PLCB2: variants seen among roughly 807,000 people sequenced by gnomAD.
PLCB2 encodes 1-phosphatidylinositol 4,5-bisphosphate phosphodiesterase beta-2.
A neutral mutation model predicts 141.7 loss-of-function variants in PLCB2; 115 were observed. That is an observed-to-expected ratio of 0.81 (90% confidence interval 0.70 to 0.95). The LOEUF (loss-of-function observed/expected upper bound fraction) is 0.95. PLCB2 is among the 40% of genes least tolerant of loss of function. The probability of loss-of-function intolerance (pLI) is 0.00; values close to 1 mark genes in which losing one functional copy is unlikely to be tolerated. For synonymous variants in PLCB2, 603 were observed against 595.6 expected, an observed-to-expected ratio of 1.01 and a Z score of -0.18; for missense variants, 1,403 against 1,541.1, an observed-to-expected ratio of 0.91 and a Z score of 1.50.
Position 40,297,090 on chromosome 15 carries a change from T to TCCC in PLCB2, c.1324-183_1324-182insGGG, listed in dbSNP as rs374429297. The stretch of plus-strand genomic sequence containing the variant: ...TATCCCTTGGAGTAAATGCGGCTCA[T>TCCC]CTTGTGCTTGTTGTAGCTGTCCCTG... On this transcript the variant is annotated intron_variant, in intron 13 of 31. Transcript: ENST00000260402. This position sits in a 1 kb window ranked among gnomAD's most constrained non-coding sequence, Gnocchi z 4.2. Among the ~76,000 whole-genome samples, 4 of 152,234 alleles carry TCCC rather than the reference T, an allele frequency of 2.6e-5. No homozygotes were observed. The East Asian group carries it at 7.7e-4, about 29-fold the overall frequency.
chr15:40,289,232 C>T, intron 31 of PLCB2, 40 bp downstream of exon 31: 2 of 1,535,622 alleles, frequency 1.3e-6, no homozygotes, highest in Non-Finnish European at 1.8e-6. Context: ...ACCCGGAACC[C>T]ATTCAGTTCT....
At chr15:40,289,958 AGAGAGAGAGAGTGTGTGT>A (rs1400034204) in intron 30 of PLCB2, 49 bp downstream of exon 30, 2 of 667,922 alleles carry the variant, frequency 3.0e-6, no homozygotes, top group Non-Finnish European at 5.2e-6. Context: ...AGAGAGAGAG[AGAGAGAGAGAGTGTGTGT>A]GTGTGTGTGT....
At position 40,288,681 on chromosome 15, in the gene PLCB2, C is replaced by A. The variant is rs1319287808; in HGVS notation, c.*34G>T. The A allele has an allele frequency of 3.3e-6, 5 of 1,536,818 alleles. No individual in the cohort carries two copies. Among genetic ancestry groups the A allele is most frequent in the Middle Eastern group, 1.8e-4 (1 of 5,694 alleles). On this transcript the variant is annotated 3_prime_UTR_variant, in exon 32 of 32. Transcript: ENST00000260402. ...ACCACATCCCAGAGAAGGGGCTGAACCTCCTTGCTAAATGTCCCAGTGGGA... is the reference window on the plus strand; with the variant it reads ...ACCACATCCCAGAGAAGGGGCTGAAACTCCTTGCTAAATGTCCCAGTGGGA...
chr15:40,304,675 A>G (rs2040705283), intron 1 of PLCB2, among the ~76,000 whole-genome samples: 1 of 151,972 alleles, frequency 6.6e-6, no homozygotes, highest in Non-Finnish European at 1.5e-5. Context: ...CTACAAGCCC[A>G]CCTAGGAAAT....
At chr15:40,285,614 A>C (rs2039599904), downstream of PLCB2, 1 of 985,284 alleles carries the variant, frequency 1.0e-6, no homozygotes, top group South Asian at 4.7e-5. Context: ...CTCCACCCCC[A>C]GTAACTGGGC....
In PLCB2 at chr15:40,296,728, T is replaced by C. The variant is rs752069029; in HGVS notation, c.1486+18A>G. Reference sequence around the variant, plus strand: ...CAGATGCTCCTAATACCCCCCACCATAGTCCTCCCCGACTCACCTGTGCCC... The same window carrying C: ...CAGATGCTCCTAATACCCCCCACCACAGTCCTCCCCGACTCACCTGTGCCC... On this transcript the variant is annotated intron_variant, in intron 14 of 31. Coordinates refer to ENST00000260402, the MANE Select transcript of PLCB2 (RefSeq NM_004573.3). The C allele has an allele frequency of 2.7e-5, 43 of 1,610,668 alleles. No individual in the cohort carries two copies. The highest frequency in any genetic ancestry group is 1.7e-4 in the Middle Eastern group (1 of 6,060).
rs2141063302 is a variant in PLCB2 at position 40,292,521 on chromosome 15, G to A, written c.2327-78C>T. 3 of 990,630 alleles carry A rather than the reference G, an allele frequency of 3.0e-6. No homozygotes were observed. In the East Asian group the frequency reaches 7.6e-5, roughly 25 times the overall value. 61.4% of individuals were successfully genotyped at this position (990,630 alleles called of 1,614,324 possible). On this transcript the variant is annotated intron_variant, in intron 21 of 31. Transcript: ENST00000260402. ...TGTGCACACACAGCCTAGGACCCAA[G>A]GGTCTGAGTCTGGCACTGCACCATC...
chr15:40,290,750 G>A lies in PLCB2; in HGVS notation c.3113+11C>T. On this transcript the variant is annotated intron_variant, in intron 28 of 31. Coordinates refer to ENST00000260402, the MANE Select transcript of PLCB2 (RefSeq NM_004573.3). ...GGAGGCGAAGCAGGTGTGGGAGGGA[G>A]GCAGTCGTACTTCTCCGACGTCTCC... The A allele has an allele frequency of 6.2e-7, 1 of 1,613,368 alleles. No individual in the cohort carries two copies. Among genetic ancestry groups the A allele is most frequent in the Non-Finnish European group, 8.5e-7 (1 of 1,179,452 alleles).
Position 40,291,321 on chromosome 15 carries a change from G to A in PLCB2, c.2814C>T (p.Gly938=). The change falls in exon 26 of 32, where the codon GGC becomes GGT. Residue 938 remains glycine (G), a synonymous_variant. Coordinates refer to ENST00000260402, the MANE Select transcript of PLCB2 (RefSeq NM_004573.3). ...AAQLAELGPP[G]VGGVGACKLG... ...GCTTGCAGGCCCCGACGCCCCCCAC[G>A]CCCGGTGGCCCGAGCTCCGCCAGCT... 2.0e-6 allele frequency: 3 copies of A among 1,536,628 alleles called. No individual in the cohort carries two copies. The highest frequency in any genetic ancestry group is 2.6e-6 in the Non-Finnish European group (3 of 1,149,424).
At chr15:40,294,096 T>G (rs1303699219) in intron 19 of PLCB2, among the ~76,000 whole-genome samples, 170 bp downstream of exon 19, 1 of 152,056 alleles carries the variant, frequency 6.6e-6, no homozygotes, top group Non-Finnish European at 1.5e-5. Flanking sequence ...CAGCCTCCAG[T>G]GCTGAGGAGG....
intron 1 of PLCB2, 105 bp downstream of exon 1, chr15:40,307,484 G>C (rs2040856316): frequency 1.6e-6 from 1 of 642,062 alleles, no homozygotes; most frequent in Non-Finnish European, 2.6e-6. Context: ...ACAGGCGCCT[G>C]GATCCTAGGA....
At chr15:40,307,139 G>C (rs1033174863) in intron 1 of PLCB2, among the ~76,000 whole-genome samples, 9 of 152,202 alleles carry the variant, frequency 5.9e-5, no homozygotes, top group South Asian at 4.1e-4. Context: ...GGAGAGCAAG[G>C]CTTCCCTGGA....
chr15:40,291,000 C>T lies in PLCB2; in HGVS notation c.3036+18G>A. 6.3e-7 allele frequency: 1 copy of T among 1,586,054 alleles called. No individual in the cohort carries two copies. Among genetic ancestry groups the T allele is most frequent in the Non-Finnish European group, 8.5e-7 (1 of 1,174,846 alleles). ...TCGGTGGGGCTGGTGGGGTTGTCGC[C>T]CTGCCCCTCCCGGCCACCTCGGCCA... On this transcript the variant is annotated intron_variant, in intron 27 of 31. Coordinates refer to ENST00000260402, the MANE Select transcript of PLCB2 (RefSeq NM_004573.3).
intron 2 of PLCB2, 93 bp downstream of exon 2, chr15:40,303,908 G>T: frequency 1.2e-6 from 1 of 865,480 alleles, no homozygotes; most frequent in Non-Finnish European, 1.9e-6. Flanking sequence ...GTACTCCCCA[G>T]CATCCATGCC....
At position 40,294,371 on chromosome 15, in the gene PLCB2, G is replaced by A. The variant is rs778088546; in HGVS notation, c.1956C>T (p.Ser652=). ...TGAACTCATGCTTGAGGAGGTAGCCGCTCTGCCCGTTGAACTCAAATACTG... is the reference window on the plus strand; with the variant it reads ...TGAACTCATGCTTGAGGAGGTAGCCACTCTGCCCGTTGAACTCAAATACTG... ...NMAVFEFNGQ[S]GYLLKHEFMR... Residue 652 remains serine (S), a synonymous_variant, in exon 19 of 32, where the codon AGC becomes AGT. Transcript: ENST00000260402. 12 of 1,614,116 alleles carry A rather than the reference G, an allele frequency of 7.4e-6. No homozygotes were observed. The East Asian group carries it at 1.3e-4, about 18-fold the overall frequency.
chr15:40,293,266 C>A (rs2040030392), intron 20 of PLCB2, among the ~76,000 whole-genome samples: 1 of 152,206 alleles, frequency 6.6e-6, no homozygotes, highest in Non-Finnish European at 1.5e-5. Context: ...GGGGGCCTGG[C>A]ACAGATAGCC....
rs1319935838 is a variant in PLCB2 at position 40,291,412 on chromosome 15, T to G, written c.2723A>C (p.Glu908Ala). Residue 908 changes from glutamate to alanine, a missense_variant, in exon 26 of 32, where the codon GAG becomes GCG. Around this residue, in one of 4 missense-constraint regions of PLCB2, gnomAD observed 290 missense variants for 245.9 expected, o/e 1.18. Coordinates refer to ENST00000260402, the MANE Select transcript of PLCB2 (RefSeq NM_004573.3). ...TCCGCGCCGCTCCAACTCTCGCAGC[T>G]CCTTCTCGTGCCGCCGCTGCAGCTT... ...VVKLQRRHEK[E>A]LRELERRGAR... 2 of 1,537,504 alleles carry G rather than the reference T, an allele frequency of 1.3e-6. No individual in the cohort carries two copies. Among genetic ancestry groups the G allele is most frequent in the African/African-American group, 1.4e-5 (1 of 73,210 alleles).
At chr15:40,290,482 A>G in intron 29 of PLCB2, 95 bp downstream of exon 29, 1 of 906,974 alleles carries the variant, frequency 1.1e-6, no homozygotes, top group Non-Finnish European at 1.8e-6. Flanking sequence ...GGACAGATGC[A>G]TCTTTGGGAA....
intron 16 of PLCB2, among the ~76,000 whole-genome samples, 199 bp downstream of exon 16, chr15:40,296,097 G>A (rs1163564140): frequency 2.0e-5 from 3 of 152,058 alleles, no homozygotes; most frequent in Non-Finnish European, 2.9e-5. Flanking sequence ...CTGTCATAAC[G>A]CCCAGCCTGT....
Sources: allele counts gnomAD v4.1 joint callset (sites outside exome capture counted in the v4.1 genomes callset), GRCh38; gene constraint gnomAD v4.1.1; regional missense constraint gnomAD v4.1.1; non-coding constraint Gnocchi (gnomAD v3.1); transcripts MANE v1.5; gene names NCBI Gene and HGNC (gene_info 2026-07-23, HGNC 2026-07-21).